SYT1: variants seen among roughly 807,000 people sequenced by gnomAD.
SYT1 encodes the protein synaptotagmin-1.
SYT1 carries 8 observed loss-of-function variants against 44.8 expected under a neutral mutation model. The observed-to-expected ratio is 0.18, with a 90% CI of 0.10 to 0.32. SYT1 has a LOEUF of 0.32. SYT1 is among the 10% of genes least tolerant of loss of function. SYT1 has a pLI of 1.00. For synonymous variants in SYT1, 154 were observed against 188.8 expected, an observed-to-expected ratio of 0.82 and a Z score of 1.51; for missense variants, 286 against 509.3, an observed-to-expected ratio of 0.56 and a Z score of 4.22.
intron 8 of SYT1, among the ~76,000 whole-genome samples, chr12:79,332,622 T>G (rs757703469): frequency 3.3e-5 from 5 of 152,220 alleles, no homozygotes; most frequent in Non-Finnish European, 5.9e-5. Flanking sequence ...AATATGCAGA[T>G]GGGACATCTT....
rs1431436095 is a variant in SYT1, at chr12:79,451,286, AG to A, written c.*2163del. ...GTACTTCTTAAAAAACATAGGTAAT[AG>A]AAAATATACACAAGTCAGAATGTGA... is the stretch of plus-strand genomic sequence containing the variant. On this transcript the variant is annotated 3_prime_UTR_variant, in exon 11 of 11. Transcript: ENST00000261205. The A allele has an allele frequency of 6.6e-6, 1 of 152,254 alleles. No homozygotes were observed. Among genetic ancestry groups the A allele is most frequent in the Non-Finnish European group, 1.5e-5 (1 of 68,052 alleles). The allele number at this position is 152,254 out of a possible 1,614,324, so 9.4% of individuals were successfully genotyped here. A position where few individuals can be genotyped will look rare whatever the true frequency, so the allele number is the denominator to read the frequency against.
At chr12:79,270,047 A>G (rs996781297) in intron 4 of SYT1, among the ~76,000 whole-genome samples, 3 of 152,220 alleles carry the variant, frequency 2.0e-5, no homozygotes, top group Non-Finnish European at 4.4e-5. Context: ...TTTGTATTGT[A>G]TAATTTAGAA....
chr12:79,139,453 A>G (rs1346007029), intron 3 of SYT1, among the ~76,000 whole-genome samples: 1 of 152,196 alleles, frequency 6.6e-6, no homozygotes, highest in Non-Finnish European at 1.5e-5. Context: ...AGTTTTAGGA[A>G]GCACAAAATG....
In SYT1 at chr12:78,946,035, C is replaced by G. The variant is rs575854397; in HGVS notation, c.-216-31764C>G. ...ACCTTTTCTTTCAAGCAGTAACATCCATGAGAAAATTTTAGGCTATAACAC... is the reference window on the plus strand; with the variant it reads ...ACCTTTTCTTTCAAGCAGTAACATCGATGAGAAAATTTTAGGCTATAACAC... On this transcript the variant is annotated intron_variant, in intron 1 of 10. Transcript: ENST00000261205. 9.2e-5 allele frequency among the ~76,000 whole-genome samples: 14 copies of G among 152,226 alleles called. No individual in the cohort carries two copies. The South Asian group carries it at 2.7e-3, about 29-fold the overall frequency.
chr12:79,242,053 C>G (rs535495417), intron 4 of SYT1, among the ~76,000 whole-genome samples: 2 of 152,318 alleles, frequency 1.3e-5, no homozygotes, highest in East Asian at 3.9e-4. Flanking sequence ...CATTCAGAAA[C>G]AGTATGGCCT....
At chr12:79,153,182 C>A (rs901670560) in intron 3 of SYT1, among the ~76,000 whole-genome samples, 1 of 151,986 alleles carries the variant, frequency 6.6e-6, no homozygotes, top group Non-Finnish European at 1.5e-5. Context: ...ATAGGTATTT[C>A]CAAAATTATT....
intron 1 of SYT1, among the ~76,000 whole-genome samples, chr12:78,874,848 A>T (rs969205377): frequency 3.3e-5 from 5 of 151,576 alleles, no homozygotes; most frequent in African/African-American, 1.2e-4. Context: ...CTATAAGAGG[A>T]TATTGGCTGA....
intron 3 of SYT1, among the ~76,000 whole-genome samples, chr12:79,186,617 C>T (rs1872815715): frequency 6.6e-6 from 1 of 151,922 alleles, no homozygotes; most frequent in African/African-American, 2.4e-5. Context: ...TAAGTGGCTC[C>T]CCAAAGATTA....
chr12:79,222,197 C>A (rs1875204123), intron 4 of SYT1, among the ~76,000 whole-genome samples: 1 of 151,908 alleles, frequency 6.6e-6, no homozygotes, highest in African/African-American at 2.4e-5. Context: ...TTATTTGCTT[C>A]TTTTCTCTTG....
intron 8 of SYT1, among the ~76,000 whole-genome samples, chr12:79,335,958 G>A (rs1196518539): frequency 1.3e-5 from 2 of 152,194 alleles, no homozygotes; most frequent in East Asian, 1.9e-4. Flanking sequence ...TGCTGTTAAT[G>A]AAACTTTACT....
chr12:78,991,854 G>C (rs1870042609), intron 2 of SYT1, among the ~76,000 whole-genome samples: 1 of 152,084 alleles, frequency 6.6e-6, no homozygotes, highest in African/African-American at 2.4e-5. Context: ...TTTATGCCAA[G>C]TTTATTTGGC....
At chr12:78,865,920 A>C (rs894688036) in intron 1 of SYT1, among the ~76,000 whole-genome samples, 3 of 24,668 alleles carry the variant, frequency 1.2e-4, no homozygotes, top group African/African-American at 4.0e-4. Context: ...TTGAGTAACA[A>C]AAAAAAAAAA....
chr12:79,107,424 CA>C (rs1026658116), intron 3 of SYT1, among the ~76,000 whole-genome samples: 21 of 151,748 alleles, frequency 1.4e-4, no homozygotes, highest in African/African-American at 5.1e-4. Context: ...TAGATGAATA[CA>C]AAAGTATAAA....
upstream of SYT1, chr12:78,864,396 C>G (rs1482943275): frequency 6.6e-6 from 1 of 151,760 alleles, no homozygotes; most frequent in Non-Finnish European, 1.5e-5. Context: ...CTCTCTTTCT[C>G]CTGTGCATAC....
intron 3 of SYT1, among the ~76,000 whole-genome samples, chr12:79,091,286 G>T (rs1052431082): frequency 6.6e-6 from 1 of 151,940 alleles, no homozygotes; most frequent in African/African-American, 2.4e-5. Flanking sequence ...ACATATATTG[G>T]AATAAGTAGA....
chr12:78,919,058 C>A (rs1372364292), intron 1 of SYT1, among the ~76,000 whole-genome samples: 2 of 152,038 alleles, frequency 1.3e-5, no homozygotes, highest in East Asian at 1.9e-4. Context: ...GTGAAAACAA[C>A]CTTTGAGATG....
intron 3 of SYT1, among the ~76,000 whole-genome samples, chr12:79,214,613 A>C (rs993524514): frequency 3.3e-5 from 5 of 152,236 alleles, no homozygotes; most frequent in African/African-American, 7.2e-5. Context: ...GTACACACAA[A>C]GGCTAGAAAC....
intron 3 of SYT1, among the ~76,000 whole-genome samples, chr12:79,063,560 C>G (rs1013300555): frequency 2.0e-5 from 3 of 152,028 alleles, no homozygotes; most frequent in Non-Finnish European, 4.4e-5. Context: ...TTCATTTACA[C>G]ATAAGTGGAG....
At chr12:78,988,347 A>G (rs538312512) in intron 2 of SYT1, among the ~76,000 whole-genome samples, 1 of 149,584 alleles carries the variant, frequency 6.7e-6, no homozygotes, top group African/African-American at 2.4e-5. Flanking sequence ...AGATACATAG[A>G]TATCTTGTTT....
Sources: allele counts gnomAD v4.1 joint callset (sites outside exome capture counted in the v4.1 genomes callset), GRCh38; gene constraint gnomAD v4.1.1; transcripts MANE v1.5; gene names NCBI Gene and HGNC (gene_info 2026-07-23, HGNC 2026-07-21).